FBXO2: variants seen among roughly 807,000 people sequenced by gnomAD.
FBXO2 encodes the protein F-box protein 2, also known as F-box only protein 2.
FBXO2 carries 32 observed loss-of-function variants against 38.6 expected under a neutral mutation model. That is an observed-to-expected ratio of 0.83 (90% CI 0.62 to 1.11). FBXO2 has a LOEUF of 1.11. FBXO2 is among the 50% of genes most tolerant of loss of function. The pLI, the probability that FBXO2 is intolerant of heterozygous loss-of-function variation, is 0.00. For missense variants in FBXO2, 450 were observed against 418.3 expected (o/e 1.08, Z -0.66); for synonymous variants, 189 against 182.9 (o/e 1.03, Z -0.27).
chr1:11,649,973 C>A lies in FBXO2; in HGVS notation c.493G>T (p.Val165Phe), dbSNP rs368947235. The A allele has an allele frequency of 5.0e-6, 8 of 1,613,910 alleles. No individual in the cohort carries two copies. The East Asian group carries it at 1.8e-4, about 36-fold the overall frequency. Reference sequence around the variant, plus strand: ...AAGGAGGAGGCGAAGTACTTCTTGACGCTCTCATCGTGGGTGAACTCCACC... The same window carrying A: ...AAGGAGGAGGCGAAGTACTTCTTGAAGCTCTCATCGTGGGTGAACTCCACC... Reference protein sequence around the residue: ...SGVEFTHDESVKKYFASSFEW... With the variant: ...SGVEFTHDESFKKYFASSFEW... Residue 165 changes from valine to phenylalanine, a missense_variant, in exon 3 of 6, where the codon GTC (valine) becomes TTC (phenylalanine). Physicochemically the swap from Val to Phe is conservative, Grantham distance 50 (BLOSUM62 -1). Coordinates refer to ENST00000354287, the MANE Select transcript of FBXO2 (RefSeq NM_012168.6).
intron 1 of FBXO2, 158 bp downstream of exon 1, chr1:11,654,161 C>T (rs1276376456): frequency 1.1e-5 from 8 of 737,548 alleles, no homozygotes; most frequent in Non-Finnish European, 1.6e-5. Context: ...AGCAGAGAGA[C>T]GTGCTCTTTG....
Position 11,648,911 on chromosome 1 carries a change from C to CA in FBXO2, c.757-84dup. The CA allele has an allele frequency of 6.4e-7, 1 of 1,569,678 alleles. No homozygotes were observed. The highest frequency in any genetic ancestry group is 8.7e-7 in the Non-Finnish European group (1 of 1,149,534). ...CCACCCCGGTACACCGACCGACCTGCAGCTCCCCCACTCGGTTTCTCCGCG... is the reference window on the plus strand; with the variant it reads ...CCACCCCGGTACACCGACCGACCTGCAAGCTCCCCCACTCGGTTTCTCCGCG... On this transcript the variant is annotated intron_variant, in intron 5 of 5. Transcript: ENST00000354287. This position sits in a 1 kb window ranked among gnomAD's most constrained non-coding sequence, Gnocchi z 4.2.
At position 11,651,232 on chromosome 1, in the gene FBXO2, G is replaced by A. The variant is rs145159454; in HGVS notation, c.23-398C>T. On this transcript the variant is annotated intron_variant, in intron 1 of 5. Coordinates refer to ENST00000354287, the MANE Select transcript of FBXO2 (RefSeq NM_012168.6). ...CCCTCACCTCCTCAGGAAGCCTTCC[G>A]GGACTTCCCCCTATGACACCCTCTC... is the stretch of plus-strand genomic sequence containing the variant. 2.0e-4 allele frequency among the ~76,000 whole-genome samples: 30 copies of A among 152,248 alleles called. 1 individual carries two copies. The highest frequency in any genetic ancestry group is 1.7e-3 in the East Asian group (9 of 5,182).
rs1570218551 is a variant in FBXO2, at chr1:11,649,394, C to G, written c.618-169G>C. 2.5e-5 allele frequency: 16 copies of G among 639,416 alleles called. No individual in the cohort carries two copies. In the East Asian group the frequency reaches 4.5e-4, roughly 18 times the overall value. 39.6% of individuals were successfully genotyped at this position (639,416 alleles called of 1,614,324 possible). On this transcript the variant is annotated intron_variant, in intron 4 of 5. Transcript: ENST00000354287. ...GTTCCCAGTTTACAGATAAGGGAAACGAGGCCAGCAAGAGAAAGTGACAGC... is the reference window on the plus strand; with the variant it reads ...GTTCCCAGTTTACAGATAAGGGAAAGGAGGCCAGCAAGAGAAAGTGACAGC...
intron 4 of FBXO2, chr1:11,649,562 G>C: frequency 1.7e-6 from 1 of 596,642 alleles, no homozygotes. Context: ...ATATATATGT[G>C]CATATATTTG....
chr1:11,649,349 T>A, intron 4 of FBXO2, 124 bp from the exon 5 acceptor site: 1 of 805,398 alleles, frequency 1.2e-6, no homozygotes, highest in East Asian at 2.7e-5. Context: ...CCAACATCCC[T>A]GTCAGCCAGC....
At chr1:11,652,995 C>T (rs1489576223) in intron 1 of FBXO2, among the ~76,000 whole-genome samples, 4 of 152,158 alleles carry the variant, frequency 2.6e-5, no homozygotes, top group African/African-American at 7.2e-5. Flanking sequence ...GGATTTACAC[C>T]GGCCCCTTTG....
In FBXO2 at chr1:11,648,912, A is replaced by G; in HGVS notation, c.757-84T>C. 1 of 1,570,186 alleles carries G rather than the reference A, an allele frequency of 6.4e-7. No homozygotes were observed. The highest frequency in any genetic ancestry group is 8.7e-7 in the Non-Finnish European group (1 of 1,149,858). On this transcript the variant is annotated intron_variant, in intron 5 of 5. Coordinates refer to ENST00000354287, the MANE Select transcript of FBXO2 (RefSeq NM_012168.6). The surrounding 1 kb of genome is among the most constrained non-coding windows in gnomAD (Gnocchi z 4.2). ...CACCCCGGTACACCGACCGACCTGC[A>G]GCTCCCCCACTCGGTTTCTCCGCGG...
Position 11,650,546 on chromosome 1 carries a change from T to C in FBXO2, c.311A>G (p.Glu104Gly). The C allele has an allele frequency of 6.3e-7, 1 of 1,599,242 alleles. No individual in the cohort carries two copies. The change falls in exon 2 of 6, where the codon GAG (glutamate) becomes GGG (glycine). Residue 104 changes from glutamate (E) to glycine (G), a missense_variant. By Grantham distance (98) the Glu-to-Gly change is moderately conservative. Transcript: ENST00000354287. ...QEGLVPEGGV[E>G]EERDHWQQFY... Reference sequence around the variant, plus strand: ...CTGCTGCCAGTGGTCGCGCTCCTCCTCCACGCCGCCCTCGGGCACCAGCCC... The same window carrying C: ...CTGCTGCCAGTGGTCGCGCTCCTCCCCCACGCCGCCCTCGGGCACCAGCCC...
chr1:11,648,704 A>G lies in FBXO2; in HGVS notation c.881T>C (p.Val294Ala). The change falls in exon 6 of 6, where the codon GTA (valine) becomes GCA (alanine). Residue 294 changes from valine to alanine, a missense_variant. Physicochemically the swap from Val to Ala is moderately conservative, Grantham distance 64 (BLOSUM62 0). Transcript: ENST00000354287. This position sits in a 1 kb window ranked among gnomAD's most constrained non-coding sequence, Gnocchi z 4.2. The stretch of plus-strand genomic sequence containing the variant: ...TGGAGGCAGGGTCGCTCAGGGTTCT[A>G]CCCACACGCTGCTGTTGGTCACCCG... ...GARVTNSSVW[V>A]EP 6.2e-7 allele frequency: 1 copy of G among 1,613,264 alleles called. No individual in the cohort carries two copies. Among genetic ancestry groups the G allele is most frequent in the Non-Finnish European group, 8.5e-7 (1 of 1,179,984 alleles).
Position 11,650,754 on chromosome 1 carries a change from G to C in FBXO2, c.103C>G (p.Gln35Glu). ...ASAEEERPED[Q>E]QEEEAAAAAA... is the part of the protein sequence containing the mutation. ...GCGGCCGCCGCCTCCTCCTCCTGCT[G>C]GTCCTCCGGCCGCTCCTCCTCAGCA... The change falls in exon 2 of 6, where the codon CAG becomes GAG. Residue 35 changes from glutamine (Q) to glutamate (E), a missense_variant. By Grantham distance (29) the Gln-to-Glu change is conservative. Coordinates refer to ENST00000354287, the MANE Select transcript of FBXO2 (RefSeq NM_012168.6). 1 of 1,532,044 alleles carries C rather than the reference G, an allele frequency of 6.5e-7. No homozygotes were observed. Among genetic ancestry groups the C allele is most frequent in the Non-Finnish European group, 8.7e-7 (1 of 1,145,372 alleles). The allele number at this position is 1,532,044 out of a possible 1,614,324, so 94.9% of individuals were successfully genotyped here. A position where few individuals can be genotyped will look rare whatever the true frequency, so the allele number is the denominator to read the frequency against.
At position 11,650,776 on chromosome 1, in the gene FBXO2, A is replaced by G. The variant is rs927193469; in HGVS notation, c.81T>C (p.Ala27=). 1 of 1,534,634 alleles carries G rather than the reference A, an allele frequency of 6.5e-7. No homozygotes were observed. Among genetic ancestry groups the G allele is most frequent in the East Asian group, 2.5e-5 (1 of 40,626 alleles). The change falls in exon 2 of 6, where the codon GCT becomes GCC. Residue 27 remains alanine (A), a synonymous_variant. Coordinates refer to ENST00000354287, the MANE Select transcript of FBXO2 (RefSeq NM_012168.6). ...GCTGGTCCTCCGGCCGCTCCTCCTC[A>G]GCACTCGCCTCCTCTGGCTGCTCCT... ...SPEEQPEEAS[A]EEERPEDQQE... is the part of the protein sequence containing the mutation.
intron 1 of FBXO2, chr1:11,653,950 G>A (rs1639597824): frequency 1.8e-5 from 4 of 224,080 alleles, no homozygotes; most frequent in Non-Finnish European, 2.6e-5. Context: ...GACGGCCCAA[G>A]GCCCAGAGCT....
In FBXO2 at chr1:11,650,537, C is replaced by T. The variant is rs779919785; in HGVS notation, c.320G>A (p.Arg107His). The change falls in exon 2 of 6, where the codon CGC (arginine) becomes CAC (histidine). Residue 107 changes from arginine to histidine, a missense_variant. Transcript: ENST00000354287. Reference protein sequence around the residue: ...LVPEGGVEEERDHWQQFYFLS... With the variant: ...LVPEGGVEEEHDHWQQFYFLS... ...GAAGTAGAACTGCTGCCAGTGGTCG[C>T]GCTCCTCCTCCACGCCGCCCTCGGG... is the stretch of plus-strand genomic sequence containing the variant. 40 of 1,601,652 alleles carry T rather than the reference C, an allele frequency of 2.5e-5. No homozygotes were observed. The highest frequency in any genetic ancestry group is 3.3e-5 in the Non-Finnish European group (39 of 1,175,494).
intron 1 of FBXO2, among the ~76,000 whole-genome samples, chr1:11,652,088 T>TA (rs1430491520): frequency 6.6e-6 from 1 of 152,220 alleles, no homozygotes; most frequent in Non-Finnish European, 1.5e-5. Flanking sequence ...CTCGGCCTCC[T>TA]AAAGTTCTGG....
rs758318121 is a variant in FBXO2, at chr1:11,649,219, C to G, written c.624G>C (p.Ser208=). ...QPAIVVKDWY[S]GRSDAGCLYE... ...AGAGGCAACCAGCGTCGCTGCGGCCCGAGTACCTGCTCAGAGGGAGGGAGC... is the reference window on the plus strand; with the variant it reads ...AGAGGCAACCAGCGTCGCTGCGGCCGGAGTACCTGCTCAGAGGGAGGGAGC... Residue 208 remains serine, a synonymous_variant, in exon 5 of 6, where the codon TCG becomes TCC. Transcript: ENST00000354287. The G allele has an allele frequency of 7.2e-7, 1 of 1,398,528 alleles. No homozygotes were observed. The highest frequency in any genetic ancestry group is 9.5e-7 in the Non-Finnish European group (1 of 1,049,066). 86.6% of individuals were successfully genotyped at this position (1,398,528 alleles called of 1,614,324 possible). A position where few individuals can be genotyped will look rare whatever the true frequency, so the allele number is the denominator to read the frequency against.
Position 11,648,925 on chromosome 1 carries a change from G to T in FBXO2, c.757-97C>A, listed in dbSNP as rs1034747455. On this transcript the variant is annotated intron_variant, in intron 5 of 5. Coordinates refer to ENST00000354287, the MANE Select transcript of FBXO2 (RefSeq NM_012168.6). The surrounding 1 kb of genome is among the most constrained non-coding windows in gnomAD (Gnocchi z 4.2). Reference sequence around the variant, plus strand: ...CGACCGACCTGCAGCTCCCCCACTCGGTTTCTCCGCGGTATTCAGAACTCT... The same window carrying T: ...CGACCGACCTGCAGCTCCCCCACTCTGTTTCTCCGCGGTATTCAGAACTCT... 25 of 1,550,768 alleles carry T rather than the reference G, an allele frequency of 1.6e-5. No homozygotes were observed. The highest frequency in any genetic ancestry group is 2.1e-4 in the Middle Eastern group (1 of 4,662).
At chr1:11,651,085 G>A (rs1425020897) in intron 1 of FBXO2, among the ~76,000 whole-genome samples, 1 of 152,134 alleles carries the variant, frequency 6.6e-6, no homozygotes, top group Non-Finnish European at 1.5e-5. Flanking sequence ...TAAACCCCAC[G>A]CCTGGGCAGA....
Position 11,649,002 on chromosome 1 carries a change from C to G in FBXO2, c.756+85G>C. The G allele has an allele frequency of 2.7e-6, 4 of 1,479,364 alleles. No individual in the cohort carries two copies. In the South Asian group the frequency reaches 3.9e-5, roughly 14 times the overall value. 91.6% of individuals were successfully genotyped at this position (1,479,364 alleles called of 1,614,324 possible). ...CCAGCCCAGCCCAGCCCACCCCAGC[C>G]CAGGAGCGCTGTGGGCGGGGTCTCC... On this transcript the variant is annotated intron_variant, in intron 5 of 5. Coordinates refer to ENST00000354287, the MANE Select transcript of FBXO2 (RefSeq NM_012168.6).
Sources: gnomAD v4.1 joint callset for allele counts (sites outside exome capture counted in the v4.1 genomes callset) on GRCh38, gnomAD v4.1.1 for gene constraint, Gnocchi (gnomAD v3.1) non-coding constraint, MANE v1.5 for transcripts, NCBI Gene and HGNC (gene_info 2026-07-23, HGNC 2026-07-21) for gene names.